Variants in ANK3 observed in about 807,000 individuals in gnomAD.
ANK3 encodes the protein ankyrin 3.
A neutral mutation model predicts 370.9 loss-of-function variants in ANK3; 57 were observed. That is an observed-to-expected ratio of 0.15 (90% CI 0.12 to 0.19). The LOEUF is 0.19. Among genes scored for constraint, ANK3 ranks in the 10% least tolerant of loss-of-function variants. ANK3 has a pLI of 1.00. For missense variants in ANK3, 4,439 were observed against 5,302.1 expected, an observed-to-expected ratio of 0.84 and a Z score of 5.06; for synonymous variants, 1,929 against 1,946.3, an observed-to-expected ratio of 0.99 and a Z score of 0.23.
At position 60,446,595 on chromosome 10, in the gene ANK3, C is replaced by T. The variant is rs1215531178; in HGVS notation, c.97-166956G>A. On this transcript the variant is annotated intron_variant, in intron 2 of 43. Transcript: ENST00000373827. Reference sequence around the variant, plus strand: ...ATATTTTACTCCTTTTTATCTCTCTCCTTGTTTGTTCTTTTGAGCTTTTCC... The same window carrying T: ...ATATTTTACTCCTTTTTATCTCTCTTCTTGTTTGTTCTTTTGAGCTTTTCC... Among the ~76,000 whole-genome samples the T allele has an allele frequency of 2.0e-5, 3 of 152,300 alleles. No individual in the cohort carries two copies. In the East Asian group the frequency reaches 5.8e-4, roughly 29 times the overall value.
At chr10:60,029,982 G>A (rs1327107818) in intron 43 of ANK3, among the ~76,000 whole-genome samples, 156 bp from the exon 44 acceptor site, 2 of 144,708 alleles carry the variant, frequency 1.4e-5, no homozygotes. Context: ...TCCCTATGGG[G>A]TGGTTTAACA....
At position 60,088,762 on chromosome 10, in the gene ANK3, A is replaced by AT. The variant is rs571923226; in HGVS notation, c.3329-405dup. 1.1e-3 allele frequency among the ~76,000 whole-genome samples: 160 copies of AT among 152,360 alleles called. 1 individual carries two copies. The highest frequency in any genetic ancestry group is 3.8e-3 in the African/African-American group (158 of 41,590). On this transcript the variant is annotated intron_variant, in intron 28 of 43. Coordinates refer to ENST00000280772, the MANE Select transcript of ANK3 (RefSeq NM_020987.5). ...TAATAGTCAAAATCATTTATACTCC[A>AT]TAGCCTAAACAGTTTTTATGATAAA...
At chr10:60,629,215 G>T (rs12247162) in intron 1 of ANK3, among the ~76,000 whole-genome samples, 6,978 of 152,118 alleles carry the variant, frequency 0.046, 207 homozygotes, top group African/African-American at 0.085. Context: ...TTGACAAGGA[G>T]CTTTATTACA....
At chr10:60,153,681 T>C (rs901532769) in intron 23 of ANK3, among the ~76,000 whole-genome samples, 2 of 152,214 alleles carry the variant, frequency 1.3e-5, no homozygotes, top group Non-Finnish European at 2.9e-5. Flanking sequence ...AAAGACAGGA[T>C]ACCAATGATG....
chr10:60,142,088 T>C (rs1174758294), intron 23 of ANK3, among the ~76,000 whole-genome samples: 1 of 152,194 alleles, frequency 6.6e-6, no homozygotes, highest in Non-Finnish European at 1.5e-5. Flanking sequence ...ATACTGTCAT[T>C]CATTCCAATT....
intron 1 of ANK3, among the ~76,000 whole-genome samples, chr10:60,658,159 C>A: frequency 6.6e-6 from 1 of 151,494 alleles, no homozygotes; most frequent in East Asian, 1.9e-4. Context: ...GACAATCTGC[C>A]TTTTCATTGG....
At chr10:60,390,361 T>C (rs1455796721), upstream of ANK3, among the ~76,000 whole-genome samples, 1 of 152,164 alleles carries the variant, frequency 6.6e-6, no homozygotes, top group African/African-American at 2.4e-5. Flanking sequence ...GCCTGATTCA[T>C]AGGAGGTTCC....
intron 1 of ANK3, among the ~76,000 whole-genome samples, chr10:60,296,282 T>G (rs563406721): frequency 6.6e-6 from 1 of 152,306 alleles, no homozygotes; most frequent in African/African-American, 2.4e-5. Context: ...CTTAAGGTCC[T>G]TAGAAATGAC....
At chr10:60,134,755 T>C (rs981808691) in intron 24 of ANK3, among the ~76,000 whole-genome samples, 1 of 152,230 alleles carries the variant, frequency 6.6e-6, no homozygotes, top group African/African-American at 2.4e-5. Flanking sequence ...CTACTTGACA[T>C]GCGCTACTGA....
chr10:60,680,846 C>T (rs936026097), intron 1 of ANK3, among the ~76,000 whole-genome samples: 7 of 152,258 alleles, frequency 4.6e-5, no homozygotes, highest in African/African-American at 1.7e-4. Context: ...TTAATCTCTG[C>T]ATGCCTCAGT....
chr10:60,709,293 CTATAT>C (rs755278479), intron 1 of ANK3, among the ~76,000 whole-genome samples: 1,044 of 78,990 alleles, frequency 0.013, 3 homozygotes, highest in Non-Finnish European at 0.024. Context: ...ATATCTATAT[CTATAT>C]CTATATCTAT....
chr10:60,727,258 A>C (rs1271255162), intron 1 of ANK3, among the ~76,000 whole-genome samples: 1 of 152,214 alleles, frequency 6.6e-6, no homozygotes, highest in Non-Finnish European at 1.5e-5. Flanking sequence ...TGTTAATGCA[A>C]TGAAATACTA....
chr10:60,521,352 A>C (rs2076342643), intron 2 of ANK3, among the ~76,000 whole-genome samples: 1 of 152,128 alleles, frequency 6.6e-6, no homozygotes, highest in South Asian at 2.1e-4. Context: ...TATGTAATGC[A>C]AAAAGCTAAT....
chr10:60,060,041 G>GAATT (rs2080053057), intron 40 of ANK3: 1 of 1,476,706 alleles, frequency 6.8e-7, no homozygotes. Flanking sequence ...TGACTGGAAT[G>GAATT]AATTAGAATA....
At position 60,562,199 on chromosome 10, in the gene ANK3, T is replaced by C. The variant is rs117833311; in HGVS notation, c.96+52987A>G. ...ACTTAAAAGACTAGTGAGTTAGAAG[T>C]GAAAGATGAAAGTTTTAAGGTTGTC... is the stretch of plus-strand genomic sequence containing the variant. On this transcript the variant is annotated intron_variant, in intron 2 of 43. Coordinates refer to the ANK3 transcript ENST00000373827. 6.1e-3 allele frequency among the ~76,000 whole-genome samples: 936 copies of C among 152,320 alleles called. 2 individuals carry two copies. The highest frequency in any genetic ancestry group is 0.011 in the Non-Finnish European group (759 of 68,026).
At chr10:60,703,986 G>A (rs541047355) in intron 1 of ANK3, among the ~76,000 whole-genome samples, 6 of 152,262 alleles carry the variant, frequency 3.9e-5, no homozygotes, top group African/African-American at 1.4e-4. Context: ...CTTGGGCCAG[G>A]TCATAAGAAG....
At chr10:60,690,668 G>C (rs1428197853) in intron 1 of ANK3, among the ~76,000 whole-genome samples, 1 of 152,076 alleles carries the variant, frequency 6.6e-6, no homozygotes, top group East Asian at 1.9e-4. Flanking sequence ...TAGGGCTGCT[G>C]CCACCACCAT....
intron 2 of ANK3, among the ~76,000 whole-genome samples, chr10:60,408,202 T>A (rs1322227829): frequency 6.6e-6 from 1 of 152,252 alleles, no homozygotes; most frequent in African/African-American, 2.4e-5. Flanking sequence ...ATGATTTCTC[T>A]GTCACTGTGG....
At chr10:60,467,638 C>CT (rs1271224905) in intron 2 of ANK3, among the ~76,000 whole-genome samples, 2 of 152,090 alleles carry the variant, frequency 1.3e-5, no homozygotes, top group Non-Finnish European at 2.9e-5. Flanking sequence ...AAAATACATT[C>CT]TTTTTTTATA....
Sources: allele counts gnomAD v4.1 joint callset (sites outside exome capture counted in the v4.1 genomes callset), GRCh38; gene constraint gnomAD v4.1.1; transcripts MANE v1.5; gene names NCBI Gene and HGNC (gene_info 2026-07-23, HGNC 2026-07-21).